Variants in DLG2 observed in about 807,000 individuals in gnomAD.
DLG2 encodes disks large homolog 2.
A neutral mutation model predicts 132.5 loss-of-function variants in DLG2; 45 were observed. The ratio of observed to expected loss-of-function variants is 0.34; its 90% CI spans 0.27 to 0.44. DLG2 has a LOEUF of 0.44. DLG2 is among the 20% of genes least tolerant of loss of function. The pLI is 1.00. For missense variants in DLG2, 1,045 were observed against 1,196.9 expected (o/e 0.87, Z 1.87); for synonymous variants, 424 against 419.6 (o/e 1.01, Z -0.13).
chr11:84,059,518 T>C lies in DLG2; in HGVS notation c.750-34A>G. Reference sequence around the variant, plus strand: ...AAGGAAAAGAGTCAAGATTCAGAAGTGGCTAGCAGGATTTCTTAAAGAATA... The same window carrying C: ...AAGGAAAAGAGTCAAGATTCAGAAGCGGCTAGCAGGATTTCTTAAAGAATA... On this transcript the variant is annotated intron_variant, in intron 10 of 27. Coordinates refer to ENST00000376104, the MANE Select transcript of DLG2 (RefSeq NM_001142699.3). 3 of 1,482,830 alleles carry C rather than the reference T, an allele frequency of 2.0e-6. No homozygotes were observed. The South Asian group carries it at 4.1e-5, about 20-fold the overall frequency. The allele number at this position is 1,482,830 out of a possible 1,614,324, so 91.9% of individuals were successfully genotyped here. A position where few individuals can be genotyped will look rare whatever the true frequency, so the allele number is the denominator to read the frequency against.
At chr11:83,746,264 A>G (rs904014908) in intron 18 of DLG2, among the ~76,000 whole-genome samples, 6 of 152,246 alleles carry the variant, frequency 3.9e-5, no homozygotes, top group Non-Finnish European at 8.8e-5. Context: ...GCTGCTATAA[A>G]GACATATGCA....
chr11:84,825,117 T>C (rs765150407), intron 6 of DLG2, among the ~76,000 whole-genome samples: 4 of 151,832 alleles, frequency 2.6e-5, no homozygotes, highest in African/African-American at 4.8e-5. Flanking sequence ...AGAAACAATG[T>C]TTGGTGGGGA....
chr11:84,728,203 T>G (rs142980501), intron 6 of DLG2, among the ~76,000 whole-genome samples: 10,562 of 152,268 alleles, frequency 0.069, 474 homozygotes, highest in Middle Eastern at 0.11. Flanking sequence ...TTTTGCCCAT[T>G]TAGTATGATA....
intron 6 of DLG2, among the ~76,000 whole-genome samples, chr11:84,540,113 C>G (rs1409519845): frequency 6.6e-6 from 1 of 152,016 alleles, no homozygotes; most frequent in Non-Finnish European, 1.5e-5. Context: ...GGCAATACCA[C>G]TCAGGACATA....
intron 18 of DLG2, among the ~76,000 whole-genome samples, chr11:83,712,023 G>A (rs1359043655): frequency 6.6e-6 from 1 of 152,176 alleles, no homozygotes; most frequent in Non-Finnish European, 1.5e-5. Flanking sequence ...GGATCTTGGT[G>A]AGGTTGCAGG....
In DLG2 at chr11:84,780,603, T is replaced by C. The variant is rs190263019; in HGVS notation, c.358-245872A>G. On this transcript the variant is annotated intron_variant, in intron 6 of 27. Transcript: ENST00000376104. ...GCAGTGTGTGTGAATTCTGATTGCC[T>C]AACATCCTTATCCACATTTGGTACT... 1.0e-3 allele frequency among the ~76,000 whole-genome samples: 157 copies of C among 152,254 alleles called. 2 individuals carry two copies. The highest frequency in any genetic ancestry group is 3.7e-3 in the African/African-American group (152 of 41,584).
chr11:84,890,401 T>G (rs908962844), intron 6 of DLG2, among the ~76,000 whole-genome samples: 30 of 152,278 alleles, frequency 2.0e-4, no homozygotes, highest in Admixed American at 1.6e-3. Context: ...TTGGGAACAC[T>G]GATTAGTCAT....
chr11:84,372,373 C>T (rs1051761637), intron 7 of DLG2, among the ~76,000 whole-genome samples: 1 of 151,984 alleles, frequency 6.6e-6, no homozygotes, highest in African/African-American at 2.4e-5. Context: ...CTGAAAAGGC[C>T]CATTTGCTTA....
At chr11:83,884,494 G>A (rs2067236024) in intron 15 of DLG2, among the ~76,000 whole-genome samples, 2 of 152,160 alleles carry the variant, frequency 1.3e-5, no homozygotes, top group African/African-American at 4.8e-5. Flanking sequence ...GCTTGCCTCT[G>A]TAGGATCCAC....
At chr11:84,716,730 G>A (rs1428185374) in intron 6 of DLG2, among the ~76,000 whole-genome samples, 1 of 151,738 alleles carries the variant, frequency 6.6e-6, no homozygotes, top group Non-Finnish European at 1.5e-5. Context: ...AAAGGTAGGG[G>A]GGAACTGATA....
At chr11:85,387,506 G>A (rs547685928) in intron 3 of DLG2, among the ~76,000 whole-genome samples, 6 of 152,266 alleles carry the variant, frequency 3.9e-5, no homozygotes, top group East Asian at 3.9e-4. Flanking sequence ...AAGTAAGTTT[G>A]AGGAAGGGCC....
chr11:85,431,708 A>C (rs1293274249), intron 3 of DLG2, among the ~76,000 whole-genome samples: 1 of 152,244 alleles, frequency 6.6e-6, no homozygotes, highest in Non-Finnish European at 1.5e-5. Flanking sequence ...CACAGTCTCC[A>C]TGAACCAGCA....
At chr11:84,591,310 C>A (rs2154530638) in intron 6 of DLG2, among the ~76,000 whole-genome samples, 1 of 146,324 alleles carries the variant, frequency 6.8e-6, no homozygotes, top group East Asian at 2.1e-4. Context: ...AAAGACCATG[C>A]CTTGTTTTTT....
At chr11:83,704,454 T>G (rs1024598961) in intron 18 of DLG2, among the ~76,000 whole-genome samples, 11 of 152,102 alleles carry the variant, frequency 7.2e-5, no homozygotes, top group Non-Finnish European at 1.5e-4. Context: ...TATTTTGCAG[T>G]TTCAACAATA....
intron 6 of DLG2, among the ~76,000 whole-genome samples, chr11:84,969,994 AC>A (rs2053851436): frequency 6.6e-6 from 1 of 152,194 alleles, no homozygotes; most frequent in South Asian, 2.1e-4. Flanking sequence ...AGAGAAGGGA[AC>A]ATCACATAAC....
intron 8 of DLG2, among the ~76,000 whole-genome samples, chr11:84,216,033 G>T (rs770586528): frequency 6.6e-6 from 1 of 152,130 alleles, no homozygotes; most frequent in Non-Finnish European, 1.5e-5. Flanking sequence ...CATTTCTGTA[G>T]GTCAGAAGTT....
At chr11:84,317,095 C>A in intron 7 of DLG2, 1 of 1,612,864 alleles carries the variant, frequency 6.2e-7, no homozygotes, top group Non-Finnish European at 8.5e-7. Context: ...CGGCATCCAT[C>A]CCATCGGACC....
intron 18 of DLG2, among the ~76,000 whole-genome samples, chr11:83,716,350 C>T (rs554012528): frequency 6.6e-6 from 1 of 152,268 alleles, no homozygotes; most frequent in East Asian, 1.9e-4. Flanking sequence ...GGTTCTTGGC[C>T]AGTTGTCTTA....
rs1244223630 is a variant in DLG2, at chr11:83,755,189, C to T, written c.1825+31501G>A. Reference sequence around the variant, plus strand: ...TTTAAAAATCAAGAAATAAAATAAACGTAACTATAATGAAAAAGAATACAA... The same window carrying T: ...TTTAAAAATCAAGAAATAAAATAAATGTAACTATAATGAAAAAGAATACAA... On this transcript the variant is annotated intron_variant, in intron 18 of 27. Coordinates refer to ENST00000376104, the MANE Select transcript of DLG2 (RefSeq NM_001142699.3). 4.0e-5 allele frequency among the ~76,000 whole-genome samples: 6 copies of T among 151,054 alleles called. 1 individual carries two copies. Among genetic ancestry groups the T allele is most frequent in the African/African-American group, 1.5e-4 (6 of 40,590 alleles).
Sources: allele counts gnomAD v4.1 joint callset (sites outside exome capture counted in the v4.1 genomes callset), GRCh38; gene constraint gnomAD v4.1.1; transcripts MANE v1.5; gene names NCBI Gene and HGNC (gene_info 2026-07-23, HGNC 2026-07-21).